PDCD4: variants seen among roughly 807,000 people sequenced by gnomAD.
The protein encoded by PDCD4 is programmed cell death 4.
In PDCD4, 56 loss-of-function variants were observed where a neutral mutation model predicts 54.0. That is an observed-to-expected ratio of 1.04 (90% confidence interval 0.84 to 1.30). The LOEUF is 1.30. PDCD4 is among the 50% of genes most tolerant of loss of function. The pLI is 0.00. For synonymous variants in PDCD4, 186 were observed against 194.8 expected (o/e 0.95, Z 0.37); for missense variants, 584 against 559.8 (o/e 1.04, Z -0.44).
intron 8 of PDCD4, 36 bp from the exon 9 acceptor site, chr10:110,894,055 G>A: frequency 2.4e-6 from 3 of 1,262,334 alleles, no homozygotes; most frequent in Non-Finnish European, 3.5e-6. Context: ...TTAAAAGTTA[G>A]GAATTCTGAC....
intron 2 of PDCD4, 65 bp downstream of exon 2, chr10:110,876,135 A>G: frequency 7.5e-7 from 1 of 1,335,820 alleles, no homozygotes; most frequent in Non-Finnish European, 1.1e-6. Context: ...TCTGTCACCC[A>G]GGCTGGAGTG....
chr10:110,889,570 G>A lies in PDCD4; in HGVS notation c.815G>A (p.Gly272Glu). 1 of 1,608,308 alleles carries A rather than the reference G, an allele frequency of 6.2e-7. No homozygotes were observed. The highest frequency in any genetic ancestry group is 8.5e-7 in the Non-Finnish European group (1 of 1,175,426). The change falls in exon 7 of 12, where the codon GGA becomes GAA. Residue 272 changes from glycine to glutamate, a missense_variant. Gly to Glu is a moderately conservative substitution (Grantham distance 98). Transcript: ENST00000280154. Reference protein sequence around the residue: ...GQFIARAVGDGILCNTYIDSY... With the variant: ...GQFIARAVGDEILCNTYIDSY... Reference sequence around the variant, plus strand: ...TTTATTGCTAGAGCTGTTGGAGATGGAATTTTATGTAATACCTATATTGAT... The same window carrying A: ...TTTATTGCTAGAGCTGTTGGAGATGAAATTTTATGTAATACCTATATTGAT...
In PDCD4 at chr10:110,894,179, A is replaced by T. The variant is rs1389241432; in HGVS notation, c.1079A>T (p.His360Leu). The T allele has an allele frequency of 6.3e-7, 1 of 1,590,726 alleles. No individual in the cohort carries two copies. The highest frequency in any genetic ancestry group is 1.3e-5 in the African/African-American group (1 of 74,460). ...AAGGAACTGGAAGTACCTCATTTTC[A>T]CCATGAGCTTGTATATGAAGTAAGA... is the stretch of plus-strand genomic sequence containing the variant. ...CLKELEVPHF[H>L]HELVYEAIIM... Residue 360 changes from histidine to leucine, a missense_variant, in exon 9 of 12, where the codon CAC becomes CTC. His to Leu is a moderately conservative substitution (Grantham distance 99). Transcript: ENST00000280154.
At chr10:110,880,602 T>C (rs942430994) in intron 2 of PDCD4, 1 of 152,254 alleles carries the variant, frequency 6.6e-6, no homozygotes, top group African/African-American at 2.4e-5. Flanking sequence ...TCAACAATCA[T>C]ATGCGATTAT....
chr10:110,893,611 A>G (rs1845788536), intron 8 of PDCD4, among the ~76,000 whole-genome samples: 2 of 152,010 alleles, frequency 1.3e-5, no homozygotes, highest in African/African-American at 4.8e-5. Context: ...TAGAGAAAAG[A>G]GAAACTATGT....
At chr10:110,887,424 T>G (rs1845684914) in intron 5 of PDCD4, among the ~76,000 whole-genome samples, 1 of 152,194 alleles carries the variant, frequency 6.6e-6, no homozygotes, top group South Asian at 2.1e-4. Flanking sequence ...GTATTTCACA[T>G]TTTTGAATTT....
At chr10:110,895,530 C>G (rs77482488) in intron 10 of PDCD4, among the ~76,000 whole-genome samples, 1 of 151,968 alleles carries the variant, frequency 6.6e-6, no homozygotes, top group Non-Finnish European at 1.5e-5. Flanking sequence ...GAATAGTACC[C>G]GATAAATATA....
intron 4 of PDCD4, 99 bp from the exon 5 acceptor site, chr10:110,885,153 TG>T: frequency 1.6e-6 from 1 of 625,530 alleles, no homozygotes; most frequent in Non-Finnish European, 2.9e-6. Context: ...TTGTGCTAAG[TG>T]GGGATTATTA....
At chr10:110,889,384 C>G (rs1037800839) in intron 6 of PDCD4, 149 bp from the exon 7 acceptor site, 2 of 620,768 alleles carry the variant, frequency 3.2e-6, no homozygotes, top group African/African-American at 3.7e-5. Flanking sequence ...ACAGGTACTA[C>G]ATAGGTTTTT....
intron 2 of PDCD4, chr10:110,876,728 C>A: frequency 7.6e-7 from 1 of 1,323,848 alleles, no homozygotes; most frequent in Non-Finnish European, 1.0e-6. Context: ...TAAAAATGAA[C>A]AGTTTTGTGG....
At chr10:110,887,003 A>C (rs1845678341) in intron 5 of PDCD4, among the ~76,000 whole-genome samples, 1 of 152,206 alleles carries the variant, frequency 6.6e-6, no homozygotes, top group South Asian at 2.1e-4. Flanking sequence ...ACAAATTCTC[A>C]TAAAACAATA....
chr10:110,879,130 A>AAT (rs1845552423), intron 2 of PDCD4, among the ~76,000 whole-genome samples: 2 of 152,152 alleles, frequency 1.3e-5, no homozygotes, highest in Non-Finnish European at 2.9e-5. Flanking sequence ...CACAGTTACT[A>AAT]CCCTTGCTCT....
Position 110,889,521 on chromosome 10 carries a change from T to C in PDCD4, c.778-12T>C. On this transcript the variant is annotated splice_polypyrimidine_tract_variant and intron_variant, in intron 6 of 11. Coordinates refer to ENST00000280154, the MANE Select transcript of PDCD4 (RefSeq NM_014456.5). Reference sequence around the variant, plus strand: ...ACTTTTTTTATAGCTCTTTTTTTTTTCCTTTTTACAGTTGGTGGGCCAGTT... The same window carrying C: ...ACTTTTTTTATAGCTCTTTTTTTTTCCCTTTTTACAGTTGGTGGGCCAGTT... The C allele has an allele frequency of 6.8e-7, 1 of 1,470,244 alleles. No individual in the cohort carries two copies. The highest frequency in any genetic ancestry group is 9.4e-7 in the Non-Finnish European group (1 of 1,066,678). 91.1% of individuals were successfully genotyped at this position (1,470,244 alleles called of 1,614,324 possible). A position where few individuals can be genotyped will look rare whatever the true frequency, so the allele number is the denominator to read the frequency against.
Position 110,881,266 on chromosome 10 carries a change from G to C in PDCD4, c.77G>C (p.Gly26Ala). The change falls in exon 3 of 12, where the codon GGT (glycine) becomes GCT (alanine). Residue 26 changes from glycine (G) to alanine (A), a missense_variant. Coordinates refer to ENST00000280154, the MANE Select transcript of PDCD4 (RefSeq NM_014456.5). ...PDNLSDSLFS[G>A]DEENAGTEEI... ...AACTTAAGTGACTCTCTCTTTTCCG[G>C]TGATGAAGAAAATGCTGGGACTGAG... 1.2e-6 allele frequency: 2 copies of C among 1,613,190 alleles called. No homozygotes were observed. Among genetic ancestry groups the C allele is most frequent in the Non-Finnish European group, 1.7e-6 (2 of 1,179,450 alleles).
In PDCD4 at chr10:110,881,574, AGTGG is replaced by A. The variant is rs1375553977; in HGVS notation, c.346+40_346+43del. ...ATGTCCAACAAATGGAAGATAAACAAGTGGAAAAAAATTGTCTGGTTCTTGTACT... is the reference window on the plus strand; with the variant it reads ...ATGTCCAACAAATGGAAGATAAACAAAAAAAAATTGTCTGGTTCTTGTACT... On this transcript the variant is annotated intron_variant, in intron 3 of 11. Transcript: ENST00000280154. The A allele has an allele frequency of 8.4e-6, 13 of 1,544,898 alleles. No individual in the cohort carries two copies. In the Admixed American group the frequency reaches 9.8e-5, roughly 12 times the overall value.
intron 1 of PDCD4, among the ~76,000 whole-genome samples, chr10:110,875,325 G>A (rs2135186901): frequency 6.6e-6 from 1 of 152,010 alleles, no homozygotes; most frequent in African/African-American, 2.4e-5. Flanking sequence ...TTAAAAAATG[G>A]ATTTCTCATA....
chr10:110,895,292 C>T (rs1845814266), intron 10 of PDCD4, among the ~76,000 whole-genome samples: 1 of 151,932 alleles, frequency 6.6e-6, no homozygotes, highest in Non-Finnish European at 1.5e-5. Context: ...CTGTGTGTAC[C>T]CAATGTTTAG....
chr10:110,872,469 C>T (rs1208896841), intron 1 of PDCD4, among the ~76,000 whole-genome samples: 1 of 152,204 alleles, frequency 6.6e-6, no homozygotes, highest in Non-Finnish European at 1.5e-5. Context: ...CCCTGCCCTC[C>T]CTGGGAATCC....
chr10:110,887,582 C>G, intron 5 of PDCD4, 83 bp from the exon 6 acceptor site: 1 of 893,288 alleles, frequency 1.1e-6, no homozygotes, highest in Non-Finnish European at 1.7e-6. Flanking sequence ...TAGATAAAAG[C>G]TCAATTTTTC....
Sources: gnomAD v4.1 joint callset for allele counts (sites outside exome capture counted in the v4.1 genomes callset) on GRCh38, gnomAD v4.1.1 for gene constraint, MANE v1.5 for transcripts, NCBI Gene and HGNC (gene_info 2026-07-23, HGNC 2026-07-21) for gene names.